Variants in PCDHGB6 observed in about 807,000 individuals in gnomAD.
PCDHGB6 encodes the protein protocadherin gamma subfamily B, 6, also known as protocadherin gamma-B6.
Under a neutral mutation model 59.1 loss-of-function variants are expected in PCDHGB6, and 51 were observed. The ratio of observed to expected loss-of-function variants is 0.86; its 90% CI spans 0.69 to 1.09. The LOEUF (loss-of-function observed/expected upper bound fraction) is 1.09, where lower values mean the gene tolerates loss of function less well. Among genes scored for constraint, PCDHGB6 ranks in the 50% least tolerant of loss-of-function variants. The probability of loss-of-function intolerance (pLI) is 0.00; values close to 1 mark genes in which losing one functional copy is unlikely to be tolerated. For missense variants in PCDHGB6, 1,148 were observed against 1,205.1 expected, an observed-to-expected ratio of 0.95 and a Z score of 0.70; for synonymous variants, 466 against 495.1, an observed-to-expected ratio of 0.94 and a Z score of 0.78.
At chr5:141,443,321 A>AC (rs1175439570) in intron 1 of PCDHGB6, among the ~76,000 whole-genome samples, 1 of 151,616 alleles carries the variant, frequency 6.6e-6, no homozygotes, top group African/African-American at 2.4e-5. Flanking sequence ...TCTCTACAAA[A>AC]AAAAAAAACA....
At chr5:141,416,576 A>C (rs1300203182) in intron 1 of PCDHGB6, 2 of 152,204 alleles carry the variant, frequency 1.3e-5, no homozygotes, top group Non-Finnish European at 2.9e-5. Flanking sequence ...TGAAATTGAG[A>C]GGCAAAATAA....
chr5:141,412,569 T>C (rs1469611879), intron 1 of PCDHGB6: 3 of 152,228 alleles, frequency 2.0e-5, no homozygotes, highest in Admixed American at 6.5e-5. Flanking sequence ...GTTTATTTAA[T>C]ATAATCTTTG....
rs753954982 is a variant in PCDHGB6 at position 141,478,158 on chromosome 5, C to A, written c.2419-16649C>A. 9 of 1,613,936 alleles carry A rather than the reference C, an allele frequency of 5.6e-6. No individual in the cohort carries two copies. In the African/African-American group the frequency reaches 1.2e-4, roughly 22 times the overall value. On this transcript the variant is annotated intron_variant, in intron 1 of 3. Transcript: ENST00000520790. ...GCCCGAGCCGAGTTCCCCTCTGGCT[C>A]TGCCCCCCGGGAGCAGAAAAAAAAT...
intron 2 of PCDHGB6, among the ~76,000 whole-genome samples, chr5:141,497,540 C>CTT (rs754207034): frequency 2.8e-4 from 38 of 134,912 alleles, no homozygotes; most frequent in African/African-American, 8.9e-4. Context: ...TGCAACAAAC[C>CTT]TTTTTTTTTT....
At chr5:141,502,782 T>C (rs1200280465) in intron 2 of PCDHGB6, among the ~76,000 whole-genome samples, 1 of 152,132 alleles carries the variant, frequency 6.6e-6, no homozygotes, top group African/African-American at 2.4e-5. Context: ...GAAAATTACC[T>C]GGATGATTTC....
chr5:141,486,019 T>C lies in PCDHGB6; in HGVS notation c.2419-8788T>C, dbSNP rs2078071. 3.2e-3 allele frequency: 5,143 copies of C among 1,613,986 alleles called. 141 individuals carry two copies. In the South Asian group the frequency reaches 0.046, roughly 14 times the overall value. ...GTGGTAACGTCACCTTTTATTTCAG[T>C]GGTCATACCCCTGATCGTGTAAGAA... On this transcript the variant is annotated intron_variant, in intron 1 of 3. Transcript: ENST00000520790. The surrounding 1 kb of genome is among the most constrained non-coding windows in gnomAD (Gnocchi z 5.0).
chr5:141,448,179 G>C (rs763996329), intron 1 of PCDHGB6, among the ~76,000 whole-genome samples: 1 of 151,982 alleles, frequency 6.6e-6, no homozygotes, highest in Non-Finnish European at 1.5e-5. Context: ...ATTCATCCCT[G>C]GTTATGTACA....
At chr5:141,467,018 CTTTGT>C (rs1209768587) in intron 1 of PCDHGB6, among the ~76,000 whole-genome samples, 4 of 149,992 alleles carry the variant, frequency 2.7e-5, no homozygotes, top group African/African-American at 7.3e-5. Context: ...ATTTTTTTCC[CTTTGT>C]TTTTGTTTTT....
intron 1 of PCDHGB6, among the ~76,000 whole-genome samples, chr5:141,438,593 T>C (rs982159150): frequency 4.1e-5 from 3 of 73,984 alleles, no homozygotes; most frequent in Non-Finnish European, 5.5e-5. Flanking sequence ...CATACATACA[T>C]ATATATATAT....
chr5:141,506,253 G>A (rs1332023284), intron 3 of PCDHGB6, among the ~76,000 whole-genome samples: 2 of 151,862 alleles, frequency 1.3e-5, no homozygotes, highest in Non-Finnish European at 2.9e-5. Flanking sequence ...GTTCGAAACC[G>A]GCCTGGCCAA....
At chr5:141,411,982 A>T (rs2154543855) in intron 1 of PCDHGB6, 1 of 152,346 alleles carries the variant, frequency 6.6e-6, no homozygotes, top group East Asian at 1.9e-4. Context: ...AGAGTTCTAT[A>T]CTTGGAAGGC....
In PCDHGB6 at chr5:141,409,823, A is replaced by G; in HGVS notation, c.1621A>G (p.Thr541Ala). Reference sequence around the variant, plus strand: ...GCAGGCCCGCGACCACGGCTCGCCCACGCTCAGCGCCAACGTGAGCCTGCG... The same window carrying G: ...GCAGGCCCGCGACCACGGCTCGCCCGCGCTCAGCGCCAACGTGAGCCTGCG... ...TLQARDHGSP[T>A]LSANVSLRVL... The change falls in exon 1 of 4, where the codon ACG (threonine) becomes GCG (alanine). Residue 541 changes from threonine to alanine, a missense_variant. Around this residue, in one of 5 missense-constraint regions of PCDHGB6, gnomAD observed 549 missense variants for 527.5 expected, o/e 1.04. Coordinates refer to ENST00000520790, the MANE Select transcript of PCDHGB6 (RefSeq NM_018926.3). 2 of 1,610,784 alleles carry G rather than the reference A, an allele frequency of 1.2e-6. No individual in the cohort carries two copies. Among genetic ancestry groups the G allele is most frequent in the Non-Finnish European group, 1.7e-6 (2 of 1,178,882 alleles).
chr5:141,441,752 C>T, intron 1 of PCDHGB6: 2 of 378,086 alleles, frequency 5.3e-6, no homozygotes, highest in Non-Finnish European at 1.1e-5. Context: ...TCGGCGTCAA[C>T]GTGAGCCTGC....
At chr5:141,454,471 A>C (rs774315258) in intron 1 of PCDHGB6, among the ~76,000 whole-genome samples, 7 of 152,198 alleles carry the variant, frequency 4.6e-5, no homozygotes, top group Non-Finnish European at 7.3e-5. Context: ...CAATGGCATG[A>C]TCTCAGCTCA....
Position 141,458,000 on chromosome 5 carries a change from A to G in PCDHGB6, c.2419-36807A>G, listed in dbSNP as rs1047291886. ...CACCCTTTCAGTTAAAGCCTTGGCA[A>G]AATAACCGGTTTTTCCAATTGTGTT... On this transcript the variant is annotated intron_variant, in intron 1 of 3. Coordinates refer to ENST00000520790, the MANE Select transcript of PCDHGB6 (RefSeq NM_018926.3). Among the ~76,000 whole-genome samples, 4 of 152,214 alleles carry G rather than the reference A, an allele frequency of 2.6e-5. No homozygotes were observed. In the East Asian group the frequency reaches 5.8e-4, roughly 22 times the overall value.
At chr5:141,500,840 C>G (rs1394248251) in intron 2 of PCDHGB6, among the ~76,000 whole-genome samples, 1 of 151,966 alleles carries the variant, frequency 6.6e-6, no homozygotes, top group Non-Finnish European at 1.5e-5. Context: ...TGCTAATGGG[C>G]TTTTGCTACA....
chr5:141,458,513 GT>G (rs537551567), intron 1 of PCDHGB6, among the ~76,000 whole-genome samples: 34 of 146,056 alleles, frequency 2.3e-4, no homozygotes, highest in South Asian at 6.5e-4. Flanking sequence ...TTGACACTTT[GT>G]TTTTTTTTTT....
At chr5:141,475,955 C>G (rs1562050812) in intron 1 of PCDHGB6, 8 of 800,218 alleles carry the variant, frequency 1.0e-5, no homozygotes, top group South Asian at 1.9e-5. Flanking sequence ...TTCTGCGCCC[C>G]GGGATGAGGC....
At chr5:141,449,264 C>CTG (rs2098633558) in intron 1 of PCDHGB6, among the ~76,000 whole-genome samples, 1 of 152,056 alleles carries the variant, frequency 6.6e-6, no homozygotes, top group African/African-American at 2.4e-5. Context: ...GTACAAAGAA[C>CTG]TGTATCTCCT....
Sources: gnomAD v4.1 joint callset for allele counts (sites outside exome capture counted in the v4.1 genomes callset) on GRCh38, gnomAD v4.1.1 for gene constraint, gnomAD v4.1.1 regional missense constraint, Gnocchi (gnomAD v3.1) non-coding constraint, MANE v1.5 for transcripts, NCBI Gene and HGNC (gene_info 2026-07-23, HGNC 2026-07-21) for gene names.